Variants in CHD2 observed in about 807,000 individuals in gnomAD.
CHD2 encodes the protein chromodomain helicase DNA binding protein 2.
A neutral mutation model predicts 243.9 loss-of-function variants in CHD2; 28 were observed. That is an observed-to-expected ratio of 0.11 (90% confidence interval 0.09 to 0.16). The LOEUF (loss-of-function observed/expected upper bound fraction) is 0.16, where lower values mean the gene tolerates loss of function less well. CHD2 is among the 10% of genes least tolerant of loss of function. The pLI is 1.00. For missense variants in CHD2, 1,386 were observed against 2,209.8 expected (o/e 0.63, Z 7.47); for synonymous variants, 775 against 779.0 (o/e 0.99, Z 0.09).
At chr15:92,988,756 A>G (rs2054077536) in intron 26 of CHD2, among the ~76,000 whole-genome samples, 1 of 148,606 alleles carries the variant, frequency 6.7e-6, no homozygotes, top group South Asian at 2.1e-4. Context: ...CTCACCAGTG[A>G]TTTTTTTTTT....
chr15:92,999,083 C>CAAAAAAAAAAAAAAAAAAAAAAAA (rs55738843), intron 31 of CHD2, among the ~76,000 whole-genome samples: 3 of 65,528 alleles, frequency 4.6e-5, no homozygotes, highest in Admixed American at 2.1e-4. Context: ...GACTCCGTCT[C>CAAAAAAAAAAAAAAAAAAAAAAAA]AAAAAAAAAA....
chr15:93,026,818 T>G lies in CHD2; in HGVS notation c.*2113T>G, dbSNP rs941872928. ...GTTGGGAGATGGGGTGGGAAGGAGG[T>G]GAGCCCCTGCAGAGAGTTGGGTAGT... is the stretch of plus-strand genomic sequence containing the variant. On this transcript the variant is annotated 3_prime_UTR_variant, in exon 39 of 39. Transcript: ENST00000394196. 2.6e-5 allele frequency: 4 copies of G among 152,224 alleles called. No homozygotes were observed. Among genetic ancestry groups the G allele is most frequent in the African/African-American group, 9.7e-5 (4 of 41,374 alleles). 9.4% of individuals were successfully genotyped at this position (152,224 alleles called of 1,614,324 possible). A position where few individuals can be genotyped will look rare whatever the true frequency, so the allele number is the denominator to read the frequency against.
chr15:92,929,826 T>G (rs2053132364), intron 5 of CHD2, among the ~76,000 whole-genome samples: 1 of 152,134 alleles, frequency 6.6e-6, no homozygotes, highest in Non-Finnish European at 1.5e-5. Context: ...TATTAAGAGC[T>G]CTAGGTACAT....
At chr15:92,948,629 C>T (rs564676854) in intron 12 of CHD2, among the ~76,000 whole-genome samples, 5 of 152,026 alleles carry the variant, frequency 3.3e-5, no homozygotes, top group Non-Finnish European at 5.9e-5. Context: ...GTCAGGAGAT[C>T]GAGACCATCC....
intron 3 of CHD2, among the ~76,000 whole-genome samples, chr15:92,925,278 A>G (rs1437692707): frequency 1.3e-5 from 2 of 152,180 alleles, no homozygotes; most frequent in Non-Finnish European, 2.9e-5. Context: ...TCCTTTTCAC[A>G]TGGTAGCTCT....
rs761910871 is a variant in CHD2 at position 93,004,621 on chromosome 15, A to G, written c.4283A>G (p.Lys1428Arg). The change falls in exon 34 of 39, where the codon AAA (lysine) becomes AGA (arginine). Residue 1428 changes from lysine to arginine, a missense_variant. By Grantham distance (26) the Lys-to-Arg change is conservative (BLOSUM62 2). This residue lies in a region of CHD2 where 125 missense variants were observed against 128.9 expected (regional missense o/e 0.97). Coordinates refer to ENST00000394196, the MANE Select transcript of CHD2 (RefSeq NM_001271.4). ...KKSKDKKEKP[K>R]SGDAKSSSKS... ...CTTGTAACTCTTTTTTAAAAGCCTA[A>G]AAGTGGTGATGCCAAATCTTCGAGT... The G allele has an allele frequency of 1.2e-6, 2 of 1,611,232 alleles. No homozygotes were observed. The highest frequency in any genetic ancestry group is 1.7e-6 in the Non-Finnish European group (2 of 1,178,290).
rs751038595 is a variant in CHD2, at chr15:92,996,954, C to A, written c.3596-3C>A. ...TAACTAATGTGAAACTGGTATTTTT[C>A]AGGAAAAGGACCAGGGAAAAGGAGA... On this transcript the variant is annotated splice_polypyrimidine_tract_variant and splice_region_variant and intron_variant, in intron 28 of 38. Coordinates refer to ENST00000394196, the MANE Select transcript of CHD2 (RefSeq NM_001271.4). 2 of 1,591,690 alleles carry A rather than the reference C, an allele frequency of 1.3e-6. No individual in the cohort carries two copies. Among genetic ancestry groups the A allele is most frequent in the Non-Finnish European group, 1.7e-6 (2 of 1,174,038 alleles).
rs1486276516 is a variant in CHD2 at position 92,941,871 on chromosome 15, A to G, written c.742A>G (p.Met248Val). ...FETDSDDLIE[M>V]TGEGVDEQQD... is the part of the protein sequence containing the mutation. ...GACTGACTCAGATGATCTCATTGAA[A>G]TGACTGGAGAAGGAGTTGATGAACA... Residue 248 changes from methionine (M) to valine (V), a missense_variant, in exon 8 of 39, where the codon ATG becomes GTG. Physicochemically the swap from Met to Val is conservative, Grantham distance 21. This residue lies in a region of CHD2 where 200 missense variants were observed against 292.5 expected (regional missense o/e 0.68). Transcript: ENST00000394196. The G allele has an allele frequency of 1.9e-6, 3 of 1,613,342 alleles. No homozygotes were observed. The highest frequency in any genetic ancestry group is 2.5e-6 in the Non-Finnish European group (3 of 1,179,554).
intron 26 of CHD2, among the ~76,000 whole-genome samples, chr15:92,988,422 G>C (rs563895989): frequency 6.6e-6 from 1 of 152,156 alleles, no homozygotes; most frequent in East Asian, 1.9e-4. Context: ...AGAAGGAAAA[G>C]AGTTACAAAA....
At chr15:92,967,555 G>T in intron 17 of CHD2, 42 bp downstream of exon 17, 1 of 1,458,152 alleles carries the variant, frequency 6.9e-7, no homozygotes, top group Non-Finnish European at 9.5e-7. Context: ...GTTGAGATCA[G>T]TACCATGAAA....
At chr15:92,937,663 T>G (rs373472968) in intron 6 of CHD2, 38 bp downstream of exon 6, 21 of 1,433,274 alleles carry the variant, frequency 1.5e-5, no homozygotes, top group Non-Finnish European at 1.9e-5. Context: ...TGGGATGAGC[T>G]TAATCTGCTG....
At chr15:92,985,695 A>G (rs1249132884) in intron 26 of CHD2, 22 bp downstream of exon 26, 14 of 1,597,264 alleles carry the variant, frequency 8.8e-6, no homozygotes, top group East Asian at 2.2e-5. Flanking sequence ...CTCTGTTCTC[A>G]CTGAGCTTGT....
rs537980478 is a variant in CHD2 at position 93,001,376 on chromosome 15, A to G, written c.4137+736A>G. Among the ~76,000 whole-genome samples the G allele has an allele frequency of 4.3e-4, 65 of 152,310 alleles. No homozygotes were observed. The South Asian group carries it at 8.5e-3, about 20-fold the overall frequency. On this transcript the variant is annotated intron_variant, in intron 32 of 38. Transcript: ENST00000394196. ...TAAGTAAAGTGAATAGTAAGTTGGT[A>G]TCATTTAGTGTGCTATTTCAGTGAC...
intron 6 of CHD2, among the ~76,000 whole-genome samples, chr15:92,938,503 C>T (rs1192515949): frequency 6.6e-6 from 1 of 152,156 alleles, no homozygotes; most frequent in Non-Finnish European, 1.5e-5. Context: ...AGTTTGCCAA[C>T]CTCTGGCCTA....
At chr15:92,956,936 G>A (rs1319159587) in intron 16 of CHD2, among the ~76,000 whole-genome samples, 1 of 152,096 alleles carries the variant, frequency 6.6e-6, no homozygotes, top group African/African-American at 2.4e-5. Context: ...TTCACTGTTG[G>A]TATAAGATAA....
At chr15:92,939,197 A>C (rs1291856922) in intron 6 of CHD2, among the ~76,000 whole-genome samples, 2 of 152,222 alleles carry the variant, frequency 1.3e-5, no homozygotes, top group Non-Finnish European at 2.9e-5. Context: ...AATTCCTACA[A>C]GTAAAACTGT....
intron 17 of CHD2, among the ~76,000 whole-genome samples, chr15:92,968,990 A>G (rs2053803883): frequency 6.6e-6 from 1 of 152,222 alleles, no homozygotes; most frequent in Admixed American, 6.5e-5. Context: ...AGAGTCAGCC[A>G]TTTATCCAAG....
At chr15:93,009,007 C>T in intron 34 of CHD2, 138 bp from the exon 35 acceptor site, 2 of 915,030 alleles carry the variant, frequency 2.2e-6, no homozygotes, top group East Asian at 2.7e-5. Flanking sequence ...TACTCCACTG[C>T]ACTAGCTTTA....
intron 13 of CHD2, among the ~76,000 whole-genome samples, chr15:92,950,667 C>T (rs887516773): frequency 7.9e-5 from 12 of 151,546 alleles, no homozygotes; most frequent in African/African-American, 1.9e-4. Context: ...GTGGGAGGAT[C>T]GCTTGAGTCC....
Sources: allele counts gnomAD v4.1 joint callset (sites outside exome capture counted in the v4.1 genomes callset), GRCh38; gene constraint gnomAD v4.1.1; regional missense constraint gnomAD v4.1.1; transcripts MANE v1.5; gene names NCBI Gene and HGNC (gene_info 2026-07-23, HGNC 2026-07-21).